The following LSAMP variants were observed in gnomAD, a reference collection of about 807,000 sequenced individuals.
LSAMP encodes the protein limbic system-associated membrane protein.
Under a neutral mutation model 38.6 loss-of-function variants are expected in LSAMP, and 7 were observed. That is an observed-to-expected ratio of 0.18 (90% CI 0.10 to 0.34). LSAMP has a LOEUF of 0.34. Ranked by LOEUF, LSAMP falls within the 10% of genes least tolerant of loss-of-function variation. The pLI, the probability that LSAMP is intolerant of heterozygous loss-of-function variation, is 1.00. For missense variants in LSAMP, 313 were observed against 420.0 expected, an observed-to-expected ratio of 0.75 and a Z score of 2.23; for synonymous variants, 154 against 166.8, an observed-to-expected ratio of 0.92 and a Z score of 0.59.
At chr3:116,301,660 C>G (rs1247939252) in intron 1 of LSAMP, among the ~76,000 whole-genome samples, 1 of 152,030 alleles carries the variant, frequency 6.6e-6, no homozygotes, top group African/African-American at 2.4e-5. Context: ...TAACTGGGCC[C>G]CATTTCTCAT....
intron 3 of LSAMP, among the ~76,000 whole-genome samples, chr3:115,971,305 CAG>C (rs1939010493): frequency 6.6e-6 from 1 of 152,064 alleles, no homozygotes; most frequent in Admixed American, 6.6e-5. Flanking sequence ...CATAATAAAA[CAG>C]AGATCCAAAA....
At chr3:116,116,411 CAA>C (rs1708746515) in intron 1 of LSAMP, among the ~76,000 whole-genome samples, 1 of 150,914 alleles carries the variant, frequency 6.6e-6, no homozygotes, top group Non-Finnish European at 1.5e-5. Flanking sequence ...AAATGAGTAA[CAA>C]AGGCTGGGCA....
chr3:115,811,592 A>G (rs1282232570), intron 6 of LSAMP, among the ~76,000 whole-genome samples: 5 of 151,804 alleles, frequency 3.3e-5, no homozygotes, highest in Non-Finnish European at 1.5e-5. Context: ...GTGTAAAACT[A>G]TGATGGTTTG....
At chr3:116,387,262 G>A (rs1025402607) in intron 1 of LSAMP, among the ~76,000 whole-genome samples, 1 of 152,044 alleles carries the variant, frequency 6.6e-6, no homozygotes, top group African/African-American at 2.4e-5. Context: ...CTCAGGAGAG[G>A]CTCCAGGAAT....
At chr3:116,050,742 G>C (rs1294560053) in intron 2 of LSAMP, among the ~76,000 whole-genome samples, 1 of 152,112 alleles carries the variant, frequency 6.6e-6, no homozygotes, top group Admixed American at 6.5e-5. Flanking sequence ...CCAGGCCAAG[G>C]GCATATTTCC....
intron 1 of LSAMP, among the ~76,000 whole-genome samples, chr3:116,135,620 G>C (rs1709230701): frequency 6.6e-6 from 1 of 152,176 alleles, no homozygotes; most frequent in Non-Finnish European, 1.5e-5. Flanking sequence ...TCAAATGACA[G>C]ATGTATTGTG....
At chr3:116,028,446 C>T (rs77963348) in intron 2 of LSAMP, among the ~76,000 whole-genome samples, 1,847 of 152,254 alleles carry the variant, frequency 0.012, 38 homozygotes, top group African/African-American at 0.04. Context: ...TTTGAATCTC[C>T]GTCATCAGGC....
At chr3:116,169,891 C>A (rs781080994) in intron 1 of LSAMP, among the ~76,000 whole-genome samples, 3 of 152,108 alleles carry the variant, frequency 2.0e-5, no homozygotes, top group African/African-American at 4.8e-5. Flanking sequence ...ACTTTTAAAA[C>A]AAGTGGGCAT....
At chr3:116,315,058 C>T (rs569812431) in intron 1 of LSAMP, among the ~76,000 whole-genome samples, 75 of 152,290 alleles carry the variant, frequency 4.9e-4, no homozygotes, top group Non-Finnish European at 1.0e-3. Flanking sequence ...TGCTCTGATA[C>T]TACAGGATCA....
chr3:116,420,130 C>T (rs1166809945), intron 1 of LSAMP, among the ~76,000 whole-genome samples: 1 of 150,448 alleles, frequency 6.6e-6, no homozygotes, highest in Non-Finnish European at 1.5e-5. Context: ...GAAAGTCTTG[C>T]TCTGTCACCC....
chr3:116,391,694 A>G (rs1433863627), intron 1 of LSAMP, among the ~76,000 whole-genome samples: 1 of 152,030 alleles, frequency 6.6e-6, no homozygotes, highest in African/African-American at 2.4e-5. Context: ...GATAGTACTG[A>G]TGGCAGCAGC....
At chr3:116,144,832 T>C (rs1019647844) in intron 1 of LSAMP, among the ~76,000 whole-genome samples, 5 of 152,052 alleles carry the variant, frequency 3.3e-5, no homozygotes, top group South Asian at 2.1e-4. Context: ...GGTATGACTA[T>C]AGTTTAAAAT....
chr3:116,090,037 A>G (rs1708082780), intron 1 of LSAMP, among the ~76,000 whole-genome samples: 1 of 150,542 alleles, frequency 6.6e-6, no homozygotes, highest in Admixed American at 6.6e-5. Flanking sequence ...TTTTTTAATC[A>G]TAAAAAGTAC....
chr3:116,348,538 T>C (rs1269369169), intron 1 of LSAMP, among the ~76,000 whole-genome samples: 2 of 152,150 alleles, frequency 1.3e-5, no homozygotes, highest in African/African-American at 4.8e-5. Context: ...TAAATCCCTG[T>C]AACCTTAATA....
chr3:115,927,222 T>C (rs1229084929), intron 3 of LSAMP, among the ~76,000 whole-genome samples: 6 of 152,046 alleles, frequency 3.9e-5, no homozygotes, highest in Non-Finnish European at 7.4e-5. Context: ...AAAGAATAGA[T>C]AGGGCATGGT....
At chr3:115,963,497 TG>T (rs376077793) in intron 3 of LSAMP, among the ~76,000 whole-genome samples, 54 of 152,134 alleles carry the variant, frequency 3.5e-4, no homozygotes, top group African/African-American at 1.3e-3. Flanking sequence ...TGTGGTCAGT[TG>T]AAGAACCCAT....
chr3:116,239,189 G>T (rs1220212414), intron 1 of LSAMP, among the ~76,000 whole-genome samples: 1 of 152,104 alleles, frequency 6.6e-6, no homozygotes, highest in Non-Finnish European at 1.5e-5. Flanking sequence ...AATGTATAGA[G>T]TCTCACATGA....
chr3:116,382,670 T>C (rs2048576709), intron 1 of LSAMP, among the ~76,000 whole-genome samples: 1 of 151,892 alleles, frequency 6.6e-6, no homozygotes. Context: ...TAAAATAAAA[T>C]ATTTACTATC....
chr3:116,256,110 T>C (rs1284779115), intron 1 of LSAMP, among the ~76,000 whole-genome samples: 4 of 152,208 alleles, frequency 2.6e-5, no homozygotes, highest in African/African-American at 9.7e-5. Context: ...GAGTTGTTAA[T>C]AGAATTAAGC....
Sources: allele counts gnomAD v4.1 joint callset (sites outside exome capture counted in the v4.1 genomes callset), GRCh38; gene constraint gnomAD v4.1.1; transcripts MANE v1.5; gene names NCBI Gene and HGNC (gene_info 2026-07-23, HGNC 2026-07-21).